ANO3: variants seen among roughly 807,000 people sequenced by gnomAD.
The protein encoded by ANO3 is anoctamin 3.
ANO3 carries 99 observed loss-of-function variants against 144.8 expected under a neutral mutation model. The observed-to-expected ratio is 0.68, with a 90% CI of 0.58 to 0.81. The LOEUF (loss-of-function observed/expected upper bound fraction) is 0.81, where lower values mean the gene tolerates loss of function less well. Ranked by LOEUF, ANO3 falls within the 30% of genes least tolerant of loss-of-function variation. The probability of loss-of-function intolerance (pLI) is 0.00; values close to 1 mark genes in which losing one functional copy is unlikely to be tolerated. For missense variants in ANO3, 905 were observed against 1,202.2 expected (o/e 0.75, Z 3.66); for synonymous variants, 414 against 392.6 (o/e 1.05, Z -0.64).
At chr11:26,260,633 T>C (rs1012103828) in intron 1 of ANO3, among the ~76,000 whole-genome samples, 6 of 152,066 alleles carry the variant, frequency 3.9e-5, no homozygotes, top group African/African-American at 1.4e-4. Flanking sequence ...TTAACCAAGG[T>C]ATGTGATTCC....
chr11:26,327,026 A>T (rs1168807663), intron 1 of ANO3, among the ~76,000 whole-genome samples: 1 of 152,242 alleles, frequency 6.6e-6, no homozygotes, highest in African/African-American at 2.4e-5. Context: ...AAATAAAGTC[A>T]TGAAGCTATG....
chr11:26,306,007 G>C (rs1268449942), upstream of ANO3, among the ~76,000 whole-genome samples: 1 of 152,120 alleles, frequency 6.6e-6, no homozygotes, highest in East Asian at 1.9e-4. Flanking sequence ...CGCCCAGGCT[G>C]GAGTGCAGTG....
At chr11:26,259,342 G>C (rs1416753856) in intron 1 of ANO3, among the ~76,000 whole-genome samples, 1 of 152,058 alleles carries the variant, frequency 6.6e-6, no homozygotes, top group Non-Finnish European at 1.5e-5. Context: ...AAACAGAAAG[G>C]GAGGTGAATA....
intron 1 of ANO3, among the ~76,000 whole-genome samples, chr11:26,374,817 C>G (rs1209913167): frequency 6.6e-6 from 1 of 152,196 alleles, no homozygotes; most frequent in East Asian, 1.9e-4. Flanking sequence ...AATGTTGGCT[C>G]GTTGCAACCT....
intron 1 of ANO3, among the ~76,000 whole-genome samples, chr11:26,399,251 G>A (rs577079933): frequency 7.2e-5 from 11 of 151,864 alleles, no homozygotes; most frequent in Non-Finnish European, 1.6e-4. Context: ...TCTTTAAACT[G>A]TAGGTCACCT....
At chr11:26,385,018 A>G (rs1329272932) in intron 1 of ANO3, among the ~76,000 whole-genome samples, 1 of 152,170 alleles carries the variant, frequency 6.6e-6, no homozygotes, top group African/African-American at 2.4e-5. Flanking sequence ...AAGTTATTTT[A>G]TATAGCTTGG....
At chr11:26,564,372 A>G (rs1476583820) in intron 14 of ANO3, among the ~76,000 whole-genome samples, 1 of 151,592 alleles carries the variant, frequency 6.6e-6, no homozygotes, top group Non-Finnish European at 1.5e-5. Context: ...TTTTTACATT[A>G]CTAATATAAT....
chr11:26,561,028 A>G (rs1306961066), intron 14 of ANO3: 10 of 1,584,780 alleles, frequency 6.3e-6, no homozygotes, highest in Non-Finnish European at 8.6e-6. Context: ...TAGGATGTAG[A>G]TGACACTTGC....
chr11:26,525,466 G>A (rs972874815), intron 6 of ANO3, among the ~76,000 whole-genome samples, 169 bp from the exon 7 acceptor site: 39 of 151,996 alleles, frequency 2.6e-4, no homozygotes, highest in African/African-American at 9.4e-4. Context: ...TTAAAACAAT[G>A]TAAGGTTGAT....
chr11:26,563,294 A>T, intron 14 of ANO3: 1 of 1,562,080 alleles, frequency 6.4e-7, no homozygotes, highest in Admixed American at 2.0e-5. Flanking sequence ...TTAAAGAAAT[A>T]TAAAATAATT....
rs559052178 is a variant in ANO3 at position 26,507,588 on chromosome 11, T to A, written c.433-516T>A. 2.4e-4 allele frequency among the ~76,000 whole-genome samples: 37 copies of A among 152,352 alleles called. 2 individuals are homozygous for A. The South Asian group carries it at 7.5e-3, about 31-fold the overall frequency. On this transcript the variant is annotated intron_variant, in intron 4 of 26. Coordinates refer to ENST00000256737, the MANE Select transcript of ANO3 (RefSeq NM_031418.4). ...AAAATAATGCCTGGATTGAGTACTA[T>A]GTAACACAAGAAATAAAATTGGTTT...
At chr11:26,390,387 C>T (rs7943164) in intron 1 of ANO3, among the ~76,000 whole-genome samples, 40,353 of 151,812 alleles carry the variant, frequency 0.27, 6,011 homozygotes, top group African/African-American at 0.4. Flanking sequence ...AGTACCTGTG[C>T]CCTTCTTCTC....
chr11:26,606,726 T>G (rs1851947652), intron 17 of ANO3, among the ~76,000 whole-genome samples: 1 of 152,208 alleles, frequency 6.6e-6, no homozygotes, highest in Non-Finnish European at 1.5e-5. Context: ...TTATCAAATT[T>G]GCCAGTTTGT....
At chr11:26,329,524 A>G (rs897858665), upstream of ANO3, among the ~76,000 whole-genome samples, 1 of 152,178 alleles carries the variant, frequency 6.6e-6, no homozygotes, top group African/African-American at 2.4e-5. Context: ...AAATGTTTCT[A>G]ATTTTAAGAA....
chr11:26,207,063 G>T (rs1038996543), intron 1 of ANO3, among the ~76,000 whole-genome samples: 2 of 152,060 alleles, frequency 1.3e-5, no homozygotes, highest in African/African-American at 4.8e-5. Flanking sequence ...AATGGGAAGG[G>T]ATTAGTCAAA....
At chr11:26,353,354 A>G (rs959032422) in intron 1 of ANO3, among the ~76,000 whole-genome samples, 6 of 151,634 alleles carry the variant, frequency 4.0e-5, no homozygotes, top group Non-Finnish European at 8.9e-5. Context: ...TCTGTTTTTC[A>G]GGGTCTTATC....
chr11:26,550,091 A>G (rs1030028854), intron 12 of ANO3, among the ~76,000 whole-genome samples: 1 of 151,802 alleles, frequency 6.6e-6, no homozygotes, highest in Admixed American at 6.6e-5. Context: ...TTTGTCAGGC[A>G]ATATATCTAG....
chr11:26,398,857 A>C (rs1857080446), intron 1 of ANO3, among the ~76,000 whole-genome samples: 1 of 152,092 alleles, frequency 6.6e-6, no homozygotes, highest in Non-Finnish European at 1.5e-5. Context: ...ACAAATAACC[A>C]GAGTGCCATT....
chr11:26,305,784 A>C (rs557076471), upstream of ANO3, among the ~76,000 whole-genome samples: 5 of 152,350 alleles, frequency 3.3e-5, no homozygotes, highest in East Asian at 9.7e-4. Flanking sequence ...CCCAGTAAAC[A>C]TGCTCCTCAA....
Sources: gnomAD v4.1 joint callset for allele counts (sites outside exome capture counted in the v4.1 genomes callset) on GRCh38, gnomAD v4.1.1 for gene constraint, MANE v1.5 for transcripts, NCBI Gene and HGNC (gene_info 2026-07-23, HGNC 2026-07-21) for gene names.